SMARCAD1: variants seen among roughly 807,000 people sequenced by gnomAD.
SMARCAD1 encodes SWI/SNF-related matrix-associated actin-dependent regulator of chromatin subfamily A containing DEAD/H box 1.
In SMARCAD1, 25 loss-of-function variants were observed where a neutral mutation model predicts 127.1. The ratio of observed to expected loss-of-function variants is 0.20; its 90% CI spans 0.14 to 0.27. The LOEUF (loss-of-function observed/expected upper bound fraction) is 0.27. Ranked by LOEUF, SMARCAD1 falls within the 10% of genes least tolerant of loss-of-function variation. The pLI is 1.00. For missense variants in SMARCAD1, 807 were observed against 1,206.0 expected (o/e 0.67, Z 4.90); for synonymous variants, 400 against 396.9 (o/e 1.01, Z -0.09).
chr4:94,249,341 T>C (rs1748923825), intron 6 of SMARCAD1, among the ~76,000 whole-genome samples: 1 of 151,912 alleles, frequency 6.6e-6, no homozygotes, highest in Non-Finnish European at 1.5e-5. Context: ...GGCATCAGTA[T>C]ACTTGAATTA....
intron 4 of SMARCAD1, among the ~76,000 whole-genome samples, chr4:94,234,948 A>G (rs1317546690): frequency 2.0e-5 from 3 of 152,140 alleles, no homozygotes; most frequent in African/African-American, 4.8e-5. Flanking sequence ...GCTGCTGTCT[A>G]GCTTCAGCAG....
At chr4:94,252,016 T>A (rs1488825364) in intron 8 of SMARCAD1, among the ~76,000 whole-genome samples, 1 of 152,096 alleles carries the variant, frequency 6.6e-6, no homozygotes, top group Non-Finnish European at 1.5e-5. Context: ...CATGCCTGGC[T>A]AATTTTTATA....
At position 94,291,147 on chromosome 4, in the gene SMARCAD1, G is replaced by A. The variant is rs1755635154; in HGVS notation, c.*1613G>A. 1 of 452,604 alleles carries A rather than the reference G, an allele frequency of 2.2e-6. No individual in the cohort carries two copies. Among genetic ancestry groups the A allele is most frequent in the African/African-American group, 2.0e-5 (1 of 49,834 alleles). 28.0% of individuals were successfully genotyped at this position (452,604 alleles called of 1,614,324 possible). Reference sequence around the variant, plus strand: ...GATATCTCATGTTTTCTGTATTAATGTATTTTCAATGATAGGCTGTTTCTT... The same window carrying A: ...GATATCTCATGTTTTCTGTATTAATATATTTTCAATGATAGGCTGTTTCTT... On this transcript the variant is annotated 3_prime_UTR_variant, in exon 24 of 24. Coordinates refer to ENST00000354268, the MANE Select transcript of SMARCAD1 (RefSeq NM_020159.5).
chr4:94,266,087 C>T (rs910028283), intron 10 of SMARCAD1, among the ~76,000 whole-genome samples: 1 of 151,134 alleles, frequency 6.6e-6, no homozygotes, highest in Admixed American at 6.6e-5. Context: ...TGTAGGGAAA[C>T]GTGATGCAGT....
In SMARCAD1 at chr4:94,242,442, G is replaced by T. The variant is rs149486572; in HGVS notation, c.705+1436G>T. Among the ~76,000 whole-genome samples the T allele has an allele frequency of 4.4e-3, 675 of 152,126 alleles. 5 individuals are homozygous for T. The highest frequency in any genetic ancestry group is 0.016 in the African/African-American group (655 of 41,500). On this transcript the variant is annotated intron_variant, in intron 6 of 23. Coordinates refer to ENST00000354268, the MANE Select transcript of SMARCAD1 (RefSeq NM_020159.5). The stretch of plus-strand genomic sequence containing the variant: ...TTTTTAAGTCTTCTTTTTAGCCTCT[G>T]TTCCTGATACATTGCTGATCTCTAC...
intron 6 of SMARCAD1, among the ~76,000 whole-genome samples, chr4:94,246,245 G>A (rs1252645723): frequency 2.0e-5 from 3 of 151,146 alleles, no homozygotes; most frequent in Admixed American, 6.6e-5. Context: ...TCAGCCTCCC[G>A]AGTAGCTGGG....
At chr4:94,236,931 A>T (rs1468299621) in intron 4 of SMARCAD1, 21 bp from the exon 5 acceptor site, 1 of 1,594,390 alleles carries the variant, frequency 6.3e-7, no homozygotes, top group South Asian at 1.1e-5. Flanking sequence ...TTAAAACATT[A>T]ATCTTTTCTC....
intron 6 of SMARCAD1, among the ~76,000 whole-genome samples, chr4:94,248,292 C>G (rs1034908450): frequency 1.3e-5 from 2 of 152,034 alleles, no homozygotes; most frequent in African/African-American, 4.8e-5. Flanking sequence ...TAGTGATATT[C>G]CATTTTATGT....
chr4:94,225,204 G>A (rs1744804565), intron 2 of SMARCAD1, among the ~76,000 whole-genome samples: 1 of 152,158 alleles, frequency 6.6e-6, no homozygotes, highest in Non-Finnish European at 1.5e-5. Context: ...TACAGGTTCG[G>A]TGACTTAAGA....
At chr4:94,230,602 C>A (rs1244953881) in intron 3 of SMARCAD1, among the ~76,000 whole-genome samples, 1 of 152,110 alleles carries the variant, frequency 6.6e-6, no homozygotes, top group African/African-American at 2.4e-5. Flanking sequence ...TCTGACCTCA[C>A]CCCAGCAGAT....
intron 20 of SMARCAD1, among the ~76,000 whole-genome samples, chr4:94,281,141 A>G (rs1486615459): frequency 6.6e-6 from 1 of 152,188 alleles, no homozygotes; most frequent in Non-Finnish European, 1.5e-5. Flanking sequence ...CTAAATTTGT[A>G]AAATCACAGT....
intron 9 of SMARCAD1, chr4:94,253,450 A>C (rs763976142): frequency 1.7e-6 from 2 of 1,187,874 alleles, no homozygotes; most frequent in Non-Finnish European, 2.1e-6. Flanking sequence ...ATGATTCAAA[A>C]TGCCAGCCTA....
At chr4:94,260,374 C>T (rs12645192) in intron 9 of SMARCAD1, among the ~76,000 whole-genome samples, 57,572 of 151,916 alleles carry the variant, frequency 0.38, 11,902 homozygotes, top group East Asian at 0.71. Flanking sequence ...GACAGTCTCT[C>T]GCTCTGTCAC....
chr4:94,280,752 G>C lies in SMARCAD1; in HGVS notation c.2579G>C (p.Gly860Ala), dbSNP rs768125147. Residue 860 changes from glycine to alanine, a missense_variant, in exon 20 of 24, where the codon GGA becomes GCA. By Grantham distance (60) the Gly-to-Ala change is moderately conservative. This residue lies in a region of SMARCAD1 where 44 missense variants were observed against 119.1 expected (regional missense o/e 0.37). Coordinates refer to ENST00000354268, the MANE Select transcript of SMARCAD1 (RefSeq NM_020159.5). ...ILDSGKFRVL[G>A]CILSELKQKG... ...GATTCTGGAAAATTTCGAGTTTTAG[G>C]ATGCATCTTGTCTGAATTGAAACAG... 6.2e-7 allele frequency: 1 copy of C among 1,613,470 alleles called. No homozygotes were observed. The highest frequency in any genetic ancestry group is 8.5e-7 in the Non-Finnish European group (1 of 1,179,808).
rs765236441 is a variant in SMARCAD1 at position 94,257,594 on chromosome 4, G to GT, written c.1281+4590dup. On this transcript the variant is annotated intron_variant, in intron 9 of 23. Coordinates refer to ENST00000354268, the MANE Select transcript of SMARCAD1 (RefSeq NM_020159.5). ...GCCCCTCTTTCCCCATCCCCAAATT[G>GT]TTTATTTACTTTTTGTTAATGTTTA... Among the ~76,000 whole-genome samples, 343 of 151,972 alleles carry GT rather than the reference G, an allele frequency of 2.3e-3. 1 individual carries two copies. The highest frequency in any genetic ancestry group is 4.3e-3 in the Non-Finnish European group (295 of 67,950).
intron 21 of SMARCAD1, among the ~76,000 whole-genome samples, 185 bp from the exon 22 acceptor site, chr4:94,282,936 C>G (rs1381477146): frequency 6.6e-6 from 1 of 151,962 alleles, no homozygotes; most frequent in Admixed American, 6.6e-5. Context: ...GTAGCAATAT[C>G]GTAGAAAAGA....
chr4:94,267,494 C>T (rs978134996), intron 10 of SMARCAD1, among the ~76,000 whole-genome samples: 13 of 152,096 alleles, frequency 8.5e-5, no homozygotes, highest in Non-Finnish European at 1.6e-4. Flanking sequence ...ATCACATGTA[C>T]CCCTGTTGTT....
At chr4:94,247,615 C>G (rs1748640940) in intron 6 of SMARCAD1, among the ~76,000 whole-genome samples, 1 of 152,108 alleles carries the variant, frequency 6.6e-6, no homozygotes, top group Admixed American at 6.6e-5. Context: ...TACCATCATT[C>G]CTGTCTAGTT....
At chr4:94,229,910 G>A (rs1353533318) in intron 3 of SMARCAD1, among the ~76,000 whole-genome samples, 1 of 151,388 alleles carries the variant, frequency 6.6e-6, no homozygotes. Context: ...TGAGAACCCT[G>A]ACTTCTACCA....
Sources: gnomAD v4.1 joint callset for allele counts (sites outside exome capture counted in the v4.1 genomes callset) on GRCh38, gnomAD v4.1.1 for gene constraint, gnomAD v4.1.1 regional missense constraint, MANE v1.5 for transcripts, NCBI Gene and HGNC (gene_info 2026-07-23, HGNC 2026-07-21) for gene names.